DLGAP4: variants seen among roughly 807,000 people sequenced by gnomAD.
DLGAP4 encodes DLG associated protein 4, also known as disks large-associated protein 4.
A neutral mutation model predicts 86.9 loss-of-function variants in DLGAP4; 18 were observed. The observed-to-expected ratio is 0.21, with a 90% CI of 0.14 to 0.31. The LOEUF is 0.31. Among genes scored for constraint, DLGAP4 ranks in the 10% least tolerant of loss-of-function variants. The pLI is 1.00. For missense variants in DLGAP4, 1,085 were observed against 1,362.6 expected (o/e 0.80, Z 3.21); for synonymous variants, 548 against 574.3 (o/e 0.95, Z 0.65).
intron 1 of DLGAP4, among the ~76,000 whole-genome samples, chr20:36,340,952 G>A (rs1555892431): frequency 6.6e-6 from 1 of 152,176 alleles, no homozygotes; most frequent in East Asian, 1.9e-4. Context: ...AGTTGGGCCT[G>A]GTCTCCCTGA....
At chr20:36,418,396 AGCCACCGTGCCTG>A (rs1234849139) in intron 2 of DLGAP4, among the ~76,000 whole-genome samples, 2 of 152,196 alleles carry the variant, frequency 1.3e-5, no homozygotes, top group African/African-American at 2.4e-5. Flanking sequence ...TACAGGTGTG[AGCCACCGTGCCTG>A]GCCCATTTGG....
chr20:36,422,987 G>T (rs1203617763), intron 2 of DLGAP4, among the ~76,000 whole-genome samples: 1 of 152,130 alleles, frequency 6.6e-6, no homozygotes, highest in Admixed American at 6.5e-5. Flanking sequence ...GTGTTGGGTG[G>T]CTGAGGGCCT....
chr20:36,376,628 G>T (rs548536010), intron 2 of DLGAP4, among the ~76,000 whole-genome samples: 1 of 152,250 alleles, frequency 6.6e-6, no homozygotes, highest in African/African-American at 2.4e-5. Flanking sequence ...AGGGGAGAGA[G>T]AGAGTTAGGA....
At position 36,313,931 on chromosome 20, in the gene DLGAP4, C is replaced by G. The variant is rs1018463725; in HGVS notation, c.-304+7419C>G. Among the ~76,000 whole-genome samples the G allele has an allele frequency of 2.6e-4, 40 of 152,134 alleles. 1 individual carries two copies. The highest frequency in any genetic ancestry group is 5.1e-4 in the Non-Finnish European group (35 of 68,000). The stretch of plus-strand genomic sequence containing the variant: ...GAGTCAGGAGGTGATGTTGGGGTTG[C>G]CTTACCCTTCTCTGAGCCCCACCTG... On this transcript the variant is annotated intron_variant, in intron 1 of 12. Coordinates refer to ENST00000339266, the MANE Select transcript of DLGAP4 (RefSeq NM_001365621.2).
chr20:36,389,437 A>G (rs146615137), intron 2 of DLGAP4, among the ~76,000 whole-genome samples: 18 of 152,298 alleles, frequency 1.2e-4, no homozygotes, highest in Non-Finnish European at 1.6e-4. Context: ...AGTAATGCCC[A>G]TCTCTCCCTT....
intron 7 of DLGAP4, among the ~76,000 whole-genome samples, chr20:36,471,354 C>T (rs1406858822): frequency 6.6e-6 from 1 of 151,998 alleles, no homozygotes. Context: ...ATTAGCCGGG[C>T]GTGGTGGTGG....
chr20:36,312,675 A>T (rs2065063544), intron 1 of DLGAP4, among the ~76,000 whole-genome samples: 1 of 152,182 alleles, frequency 6.6e-6, no homozygotes, highest in East Asian at 1.9e-4. Context: ...CTGGGACTCA[A>T]GATGGGGGAT....
At chr20:36,415,879 A>G (rs1380630420) in intron 2 of DLGAP4, among the ~76,000 whole-genome samples, 1 of 152,116 alleles carries the variant, frequency 6.6e-6, no homozygotes, top group African/African-American at 2.4e-5. Context: ...GCCAGCCATG[A>G]TCATCATCAG....
intron 2 of DLGAP4, among the ~76,000 whole-genome samples, chr20:36,369,795 A>G (rs2030852047): frequency 6.6e-6 from 1 of 152,234 alleles, no homozygotes; most frequent in African/African-American, 2.4e-5. Context: ...TCACAGTAAA[A>G]CGGCTAAAAA....
chr20:36,519,009 T>C (rs1401390683), intron 10 of DLGAP4, among the ~76,000 whole-genome samples: 3 of 150,652 alleles, frequency 2.0e-5, no homozygotes, highest in Admixed American at 1.3e-4. Context: ...CCCAGCTACT[T>C]GGGAGACTGA....
intron 7 of DLGAP4, among the ~76,000 whole-genome samples, chr20:36,458,344 C>CTTTTTT (rs1173496431): frequency 2.8e-4 from 26 of 91,424 alleles, no homozygotes; most frequent in Non-Finnish European, 3.5e-4. Flanking sequence ...AACCCCATAT[C>CTTTTTT]TTTTTTTTTT....
At chr20:36,511,916 A>G (rs1299262621) in intron 10 of DLGAP4, among the ~76,000 whole-genome samples, 1 of 151,662 alleles carries the variant, frequency 6.6e-6, no homozygotes, top group African/African-American at 2.4e-5. Context: ...AGTCACAGCT[A>G]GTAGGTAGAA....
chr20:36,469,204 G>A (rs1365162638), intron 7 of DLGAP4, among the ~76,000 whole-genome samples: 2 of 152,022 alleles, frequency 1.3e-5, no homozygotes, highest in African/African-American at 4.8e-5. Context: ...AGCTGGCCCT[G>A]GGGAAACACT....
chr20:36,341,405 C>T (rs782034037), intron 1 of DLGAP4, among the ~76,000 whole-genome samples: 3 of 152,206 alleles, frequency 2.0e-5, no homozygotes, highest in Non-Finnish European at 4.4e-5. Flanking sequence ...TTGTTGACTG[C>T]CCCAACCCCA....
At chr20:36,320,441 CCCTGGTGGACT>C (rs1376500805) in intron 1 of DLGAP4, among the ~76,000 whole-genome samples, 3 of 152,022 alleles carry the variant, frequency 2.0e-5, no homozygotes, top group Non-Finnish European at 4.4e-5. Flanking sequence ...CTGACCCTTG[CCCTGGTGGACT>C]CCCTCTGCCA....
At chr20:36,494,271 C>A (rs1247970464) in intron 7 of DLGAP4, among the ~76,000 whole-genome samples, 1 of 152,138 alleles carries the variant, frequency 6.6e-6, no homozygotes. Flanking sequence ...GCATCCAGTT[C>A]CCTGGGCTTA....
intron 7 of DLGAP4, among the ~76,000 whole-genome samples, chr20:36,461,085 G>T (rs2034017618): frequency 6.6e-6 from 1 of 152,282 alleles, no homozygotes; most frequent in South Asian, 2.1e-4. Flanking sequence ...CCCTTACAGC[G>T]AGGTGTCGCT....
chr20:36,462,451 G>C (rs931768208), intron 7 of DLGAP4: 3 of 1,532,310 alleles, frequency 2.0e-6, no homozygotes, highest in Admixed American at 4.8e-5. Context: ...GGGGCCCTTG[G>C]CCCCCCCTTG....
intron 3 of DLGAP4, among the ~76,000 whole-genome samples, chr20:36,433,022 T>C (rs1191817612): frequency 2.0e-5 from 3 of 152,134 alleles, no homozygotes; most frequent in Non-Finnish European, 2.9e-5. Flanking sequence ...ACCAATTGCA[T>C]GACATTCTAA....
Sources: allele counts gnomAD v4.1 joint callset (sites outside exome capture counted in the v4.1 genomes callset), GRCh38; gene constraint gnomAD v4.1.1; transcripts MANE v1.5; gene names NCBI Gene and HGNC (gene_info 2026-07-23, HGNC 2026-07-21).